EP300: variants seen among roughly 807,000 people sequenced by gnomAD.
EP300 encodes EP300 lysine acetyltransferase.
In EP300, 31 loss-of-function variants were observed where a neutral mutation model predicts 264.0. The observed-to-expected ratio is 0.12, with a 90% CI of 0.09 to 0.16. EP300 has a LOEUF of 0.16. Ranked by LOEUF, EP300 falls within the 10% of genes least tolerant of loss-of-function variation. The pLI, the probability that EP300 is intolerant of heterozygous loss-of-function variation, is 1.00. For synonymous variants in EP300, 1,340 were observed against 1,045.4 expected (o/e 1.28, Z -5.44); for missense variants, 2,766 against 3,052.9 (o/e 0.91, Z 2.21).
At position 41,178,362 on chromosome 22, in the gene EP300, T is replaced by G; in HGVS notation, c.6651T>G (p.Val2217=). The G allele has an allele frequency of 6.2e-7, 1 of 1,614,098 alleles. No homozygotes were observed. Residue 2217 remains valine, a synonymous_variant, in exon 31 of 31, where the codon GTT becomes GTG. Transcript: ENST00000263253. The part of the protein sequence containing the change: ...NHNQFQQPQG[V]GYPPQQQQRM... The stretch of plus-strand genomic sequence containing the variant: ...ACCAGTTCCAGCAACCCCAAGGAGT[T>G]GGCTACCCACCACAGCAGCAGCAGC...
At chr22:41,170,905 C>T (rs1426755028) in intron 27 of EP300, among the ~76,000 whole-genome samples, 4 of 150,826 alleles carry the variant, frequency 2.7e-5, no homozygotes, top group East Asian at 3.9e-4. Context: ...CCTTGTGATC[C>T]GCCCGCCTTG....
chr22:41,168,714 T>C lies in EP300; in HGVS notation c.4026-7T>C, dbSNP rs187388966. On this transcript the variant is annotated splice_polypyrimidine_tract_variant and splice_region_variant and intron_variant, in intron 24 of 30. Transcript: ENST00000263253. ...GTTGTGGTTCCCCCACCATCTCAAT[T>C]GTATAGGTTTGTGGACAGTGGAGAG... 8.6e-5 allele frequency: 139 copies of C among 1,614,192 alleles called. No individual in the cohort carries two copies. The East Asian group carries it at 2.9e-3, about 34-fold the overall frequency.
chr22:41,147,790 C>A (rs781506517), intron 11 of EP300, 47 bp from the exon 12 acceptor site: 1 of 1,217,766 alleles, frequency 8.2e-7, no homozygotes, highest in Non-Finnish European at 1.2e-6. Context: ...TTTTATTATT[C>A]AATTTCACAA....
chr22:41,143,074 T>C (rs749020862), intron 10 of EP300, among the ~76,000 whole-genome samples: 13 of 152,222 alleles, frequency 8.5e-5, no homozygotes, highest in Non-Finnish European at 1.6e-4. Context: ...GCCTTAAGTA[T>C]ATGTTGACCT....
rs1054360316 is a variant in EP300, at chr22:41,178,836, G to C, written c.7125G>C (p.Gln2375His). 1.2e-6 allele frequency: 2 copies of C among 1,614,060 alleles called. No homozygotes were observed. Among genetic ancestry groups the C allele is most frequent in the Non-Finnish European group, 1.7e-6 (2 of 1,180,040 alleles). ...ASPDQNSMLS[Q>H]LASNPGMANL... ...CGGACCAGAATTCAATGCTTTCTCA[G>C]CTTGCTAGCAATCCAGGCATGGCAA... The change falls in exon 31 of 31, where the codon CAG (glutamine) becomes CAC (histidine). Residue 2375 changes from glutamine (Q) to histidine (H), a missense_variant. Gln to His is a conservative substitution (Grantham distance 24). Coordinates refer to ENST00000263253, the MANE Select transcript of EP300 (RefSeq NM_001429.4).
intron 5 of EP300, among the ~76,000 whole-genome samples, chr22:41,130,680 G>C (rs1468518138): frequency 2.0e-5 from 3 of 152,032 alleles, no homozygotes; most frequent in Non-Finnish European, 4.4e-5. Flanking sequence ...TTTAAAGACC[G>C]TTGCTTTGGC....
Position 41,178,140 on chromosome 22 carries a change from T to C in EP300, c.6429T>C (p.Ala2143=), listed in dbSNP as rs2059213993. The change falls in exon 31 of 31, where the codon GCT becomes GCC. Residue 2143 remains alanine, a synonymous_variant. Coordinates refer to ENST00000263253, the MANE Select transcript of EP300 (RefSeq NM_001429.4). The part of the protein sequence containing the change: ...MNPMQAGVQR[A]GLPQQQPQQQ... ...CAATGCAGGCGGGCGTTCAGAGGGCTGGCCTGCCCCAGCAGCAACCACAGC... is the reference window on the plus strand; with the variant it reads ...CAATGCAGGCGGGCGTTCAGAGGGCCGGCCTGCCCCAGCAGCAACCACAGC... The C allele has an allele frequency of 6.2e-7, 1 of 1,614,094 alleles. No homozygotes were observed. Among genetic ancestry groups the C allele is most frequent in the East Asian group, 2.2e-5 (1 of 44,868 alleles).
At chr22:41,134,769 T>G (rs2058940437) in intron 6 of EP300, among the ~76,000 whole-genome samples, 1 of 152,234 alleles carries the variant, frequency 6.6e-6, no homozygotes, top group Non-Finnish European at 1.5e-5. Flanking sequence ...CAATCTTGCC[T>G]TTTCAGGCTT....
rs907575751 is a variant in EP300 at position 41,144,410 on chromosome 22, G to A, written c.2054-2329G>A. ...TGTTTCGCCCAGCCTGGAGTGCAGT[G>A]GTGTGATCTCGGCTCACTGCATCCT... On this transcript the variant is annotated intron_variant, in intron 10 of 30. Transcript: ENST00000263253. Among the ~76,000 whole-genome samples the A allele has an allele frequency of 5.3e-5, 8 of 151,862 alleles. No individual in the cohort carries two copies. In the East Asian group the frequency reaches 5.8e-4, roughly 11 times the overall value.
intron 29 of EP300, chr22:41,174,872 T>C (rs2059191246): frequency 1.3e-5 from 2 of 152,180 alleles, no homozygotes; most frequent in African/African-American, 4.8e-5. Flanking sequence ...GAGGAATTTG[T>C]TATAATGATG....
intron 12 of EP300, 72 bp downstream of exon 12, chr22:41,148,018 T>G: frequency 1.9e-6 from 2 of 1,053,972 alleles, no homozygotes; most frequent in Non-Finnish European, 2.8e-6. Context: ...GTTCCTACTT[T>G]ATAAATTCTC....
intron 6 of EP300, 87 bp from the exon 7 acceptor site, chr22:41,135,726 T>C (rs1370575170): frequency 4.7e-6 from 5 of 1,070,970 alleles, no homozygotes; most frequent in Non-Finnish European, 7.2e-6. Flanking sequence ...TTTTTCTGAT[T>C]TGTCATTTGT....
At chr22:41,170,596 T>TGCTGACAATAGATCTGGAAATGC in intron 27 of EP300, 25 bp downstream of exon 27, 1 of 1,608,420 alleles carries the variant, frequency 6.2e-7, no homozygotes, top group South Asian at 1.1e-5. Context: ...AGGGGCCAGG[T>TGCTGACAATAGATCTGGAAATGC]GCTGACAATA....
At chr22:41,173,565 A>C in intron 28 of EP300, 58 bp from the exon 29 acceptor site, 5 of 1,570,776 alleles carry the variant, frequency 3.2e-6, no homozygotes, top group Middle Eastern at 1.7e-4. Flanking sequence ...ATTCTGTGCT[A>C]TTCCCAAATT....
chr22:41,122,230 A>G (rs538443538), intron 2 of EP300, among the ~76,000 whole-genome samples: 22 of 140,256 alleles, frequency 1.6e-4, no homozygotes, highest in Non-Finnish European at 2.8e-4. Context: ...CAATGGCCCA[A>G]TCTTGGCTCA....
At chr22:41,133,188 G>A (rs968306330) in intron 6 of EP300, among the ~76,000 whole-genome samples, 6 of 105,724 alleles carry the variant, frequency 5.7e-5, no homozygotes, top group East Asian at 2.9e-4. Context: ...ACAGAGTCTC[G>A]CTGTGTCACC....
chr22:41,116,202 CATT>C lies in EP300; in HGVS notation c.95-981_95-979del, dbSNP rs200651984. ...TTCAACTATTATGCTAATTCTATAA[CATT>C]ATTTAGAATGTTTTTCTTTTTTTAA... On this transcript the variant is annotated intron_variant, in intron 1 of 30. Transcript: ENST00000263253. Among the ~76,000 whole-genome samples the C allele has an allele frequency of 6.4e-3, 971 of 151,944 alleles. 11 individuals carry two copies. Among genetic ancestry groups the C allele is most frequent in the African/African-American group, 0.022 (926 of 41,418 alleles).
At position 41,092,902 on chromosome 22, in the gene EP300, G is replaced by GC. The variant is rs896851307; in HGVS notation, c.-97dup. 6.1e-6 allele frequency: 8 copies of GC among 1,304,428 alleles called. No homozygotes were observed. The highest frequency in any genetic ancestry group is 2.3e-5 in the East Asian group (1 of 43,492). 80.8% of individuals were successfully genotyped at this position (1,304,428 alleles called of 1,614,324 possible). A position where few individuals can be genotyped will look rare whatever the true frequency, so the allele number is the denominator to read the frequency against. Reference sequence around the variant, plus strand: ...CCCCACCCCCTCGGGTGCCGTCGGAGCCCCCCAGCCCACCCCTGGGTGCGG... The same window carrying GC: ...CCCCACCCCCTCGGGTGCCGTCGGAGCCCCCCCAGCCCACCCCTGGGTGCGG... On this transcript the variant is annotated 5_prime_UTR_variant, in exon 1 of 31. Transcript: ENST00000263253.
At chr22:41,170,778 C>T (rs948097033) in intron 27 of EP300, among the ~76,000 whole-genome samples, 7 of 149,502 alleles carry the variant, frequency 4.7e-5, no homozygotes, top group African/African-American at 1.7e-4. Context: ...TCTCCTGCCT[C>T]AGCCTCCTGA....
Sources: gnomAD v4.1 joint callset for allele counts (sites outside exome capture counted in the v4.1 genomes callset) on GRCh38, gnomAD v4.1.1 for gene constraint, MANE v1.5 for transcripts, NCBI Gene and HGNC (gene_info 2026-07-23, HGNC 2026-07-21) for gene names.